The following CDCA5 variants were observed in gnomAD, a reference collection of about 807,000 sequenced individuals.
CDCA5 encodes the protein sororin.
In CDCA5, 14 loss-of-function variants were observed where a neutral mutation model predicts 25.7. The observed-to-expected ratio is 0.54, with a 90% CI of 0.36 to 0.85. The LOEUF is 0.85. Among genes scored for constraint, CDCA5 ranks in the 40% least tolerant of loss-of-function variants. The pLI is 0.01. For missense variants in CDCA5, 307 were observed against 324.5 expected, an observed-to-expected ratio of 0.95 and a Z score of 0.41; for synonymous variants, 127 against 128.7, an observed-to-expected ratio of 0.99 and a Z score of 0.09.
downstream of CDCA5, among the ~76,000 whole-genome samples, chr11:65,075,324 G>C: frequency 6.6e-6 from 1 of 152,180 alleles, no homozygotes; most frequent in Non-Finnish European, 1.5e-5. Context: ...TTGAACCCAG[G>C]AGGTGGAGGT....
intron 5 of CDCA5, 54 bp from the exon 6 acceptor site, chr11:65,079,241 A>T (rs1590797318): frequency 6.3e-7 from 1 of 1,576,128 alleles, no homozygotes; most frequent in Non-Finnish European, 8.6e-7. Flanking sequence ...TGGTGGCTGG[A>T]GCATCTCACC....
chr11:65,077,489 C>G lies in CDCA5; in HGVS notation c.*1618G>C. On this transcript the variant is annotated 3_prime_UTR_variant, in exon 6 of 6. Transcript: ENST00000275517. ...AAACTCTTTAATCAGGCTTTTTTTCCAACTCTAAAACAAAATCCCATTTTT... is the reference window on the plus strand; with the variant it reads ...AAACTCTTTAATCAGGCTTTTTTTCGAACTCTAAAACAAAATCCCATTTTT... The G allele has an allele frequency of 1.0e-6, 1 of 985,312 alleles. No homozygotes were observed. Among genetic ancestry groups the G allele is most frequent in the African/African-American group, 1.7e-5 (1 of 57,304 alleles). The allele number at this position is 985,312 out of a possible 1,614,324, so 61.0% of individuals were successfully genotyped here.
downstream of CDCA5, among the ~76,000 whole-genome samples, chr11:65,063,314 T>C (rs1263212452): frequency 6.6e-6 from 1 of 152,200 alleles, no homozygotes; most frequent in African/African-American, 2.4e-5. Flanking sequence ...GGCCACCCTC[T>C]TGGGCAGGAA....
chr11:65,079,789 T>A lies in CDCA5; in HGVS notation c.244-2A>T. 1 of 1,466,032 alleles carries A rather than the reference T, an allele frequency of 6.8e-7. No homozygotes were observed. The highest frequency in any genetic ancestry group is 9.0e-7 in the Non-Finnish European group (1 of 1,107,036). 90.8% of individuals were successfully genotyped at this position (1,466,032 alleles called of 1,614,324 possible). On this transcript the variant is annotated splice_acceptor_variant, in intron 4 of 5. Coordinates refer to ENST00000275517, the MANE Select transcript of CDCA5 (RefSeq NM_080668.4). LOFTEE classifies it high-confidence loss of function. Reference sequence around the variant, plus strand: ...TTCTTTCTCCAAGAAAAAGGAAATCTGCACCAGGACAGAAGAGGGGATGCC... The same window carrying A: ...TTCTTTCTCCAAGAAAAAGGAAATCAGCACCAGGACAGAAGAGGGGATGCC...
At chr11:65,061,837 T>G (rs948187859), downstream of CDCA5, among the ~76,000 whole-genome samples, 14 of 145,376 alleles carry the variant, frequency 9.6e-5, no homozygotes, top group Non-Finnish European at 2.1e-4. Flanking sequence ...TACAAATGAC[T>G]AAATATAGAC....
intron 5 of CDCA5, chr11:65,066,698 G>A: frequency 7.0e-6 from 9 of 1,288,036 alleles, no homozygotes; most frequent in Non-Finnish European, 9.1e-6. Flanking sequence ...AGGGTTGCAG[G>A]GCTCGAGGTG....
At chr11:65,080,852 A>T (rs1001052675) in intron 4 of CDCA5, among the ~76,000 whole-genome samples, 1 of 152,358 alleles carries the variant, frequency 6.6e-6, no homozygotes, top group South Asian at 2.1e-4. Flanking sequence ...ATTCAGTATT[A>T]TGTTAGCAGT....
At chr11:65,066,958 G>T in intron 4 of CDCA5, 1 of 1,064,458 alleles carries the variant, frequency 9.4e-7, no homozygotes, top group Non-Finnish European at 1.3e-6. Context: ...CCCACCTCCT[G>T]CTTCAGCCAC....
chr11:65,083,683 G>A lies in CDCA5; in HGVS notation c.87C>T (p.Ser29=). The A allele has an allele frequency of 6.2e-7, 1 of 1,614,180 alleles. No homozygotes were observed. Among genetic ancestry groups the A allele is most frequent in the Non-Finnish European group, 8.5e-7 (1 of 1,180,022 alleles). The change falls in exon 2 of 6, where the codon TCC becomes TCT. Residue 29 remains serine, a synonymous_variant. Transcript: ENST00000275517. The part of the protein sequence containing the change: ...APSPTKPLRR[S]QRKSGSELPS... Reference sequence around the variant, plus strand: ...GGAGTTCAGAGCCTGATTTCCGCTGGGACCTCCGCAGAGGCTTAGTAGGAG... The same window carrying A: ...GGAGTTCAGAGCCTGATTTCCGCTGAGACCTCCGCAGAGGCTTAGTAGGAG...
chr11:65,075,062 CAAA>C (rs56076033), downstream of CDCA5, among the ~76,000 whole-genome samples: 12 of 66,160 alleles, frequency 1.8e-4, no homozygotes, highest in Admixed American at 3.6e-4. Flanking sequence ...AACTCCGTCT[CAAA>C]AAAAAAAAAA....
intron 1 of CDCA5, among the ~76,000 whole-genome samples, chr11:65,070,985 A>G (rs1947329331): frequency 7.0e-6 from 1 of 143,626 alleles, no homozygotes; most frequent in South Asian, 2.2e-4. Flanking sequence ...TCTGTTGCCC[A>G]GGCTGGAGTG....
chr11:65,075,027 A>C (rs1947415207), downstream of CDCA5, among the ~76,000 whole-genome samples: 1 of 138,970 alleles, frequency 7.2e-6, no homozygotes, highest in Admixed American at 8.1e-5. Flanking sequence ...GTGCCATTGC[A>C]CTCCAGCCTG....
chr11:65,083,852 CGGGA>C, intron 1 of CDCA5, 77 bp downstream of exon 1: 1 of 1,596,160 alleles, frequency 6.3e-7, no homozygotes, highest in Non-Finnish European at 8.5e-7. Flanking sequence ...GCGGCGGCAG[CGGGA>C]GGGAAGAGGC....
chr11:65,081,794 C>T (rs189148948), intron 4 of CDCA5, among the ~76,000 whole-genome samples: 79 of 152,136 alleles, frequency 5.2e-4, no homozygotes, highest in African/African-American at 1.8e-3. Flanking sequence ...AGTGAACCCT[C>T]ATCTCTATAA....
downstream of CDCA5, chr11:65,077,348 G>A: frequency 6.5e-6 from 3 of 464,122 alleles, no homozygotes; most frequent in Non-Finnish European, 8.5e-6. Context: ...GGGGAAGCGG[G>A]GCTGGGAGCG....
At chr11:65,070,415 A>C (rs1023384519) in intron 1 of CDCA5, among the ~76,000 whole-genome samples, 2 of 152,250 alleles carry the variant, frequency 1.3e-5, no homozygotes, top group Admixed American at 6.5e-5. Flanking sequence ...GTACCCACGT[A>C]GGGTTGCCAA....
At position 65,077,628 on chromosome 11, in the gene CDCA5, C is replaced by T; in HGVS notation, c.*1479G>A. On this transcript the variant is annotated 3_prime_UTR_variant, in exon 6 of 6. Transcript: ENST00000275517. ...AAGACATTTCCCAAGAGTTCTGCTG[C>T]ATCAGCCAGTGAGGACAAGAGTTCT... 1 of 985,474 alleles carries T rather than the reference C, an allele frequency of 1.0e-6. No individual in the cohort carries two copies. Among genetic ancestry groups the T allele is most frequent in the South Asian group, 4.7e-5 (1 of 21,286 alleles). The allele number at this position is 985,474 out of a possible 1,614,324, so 61.0% of individuals were successfully genotyped here.
chr11:65,076,290 C>T (rs961810764), downstream of CDCA5, among the ~76,000 whole-genome samples: 2 of 30,812 alleles, frequency 6.5e-5, no homozygotes, highest in Non-Finnish European at 2.2e-4. Context: ...ATTTTTTTTA[C>T]ATTTTTTGTA....
downstream of CDCA5, among the ~76,000 whole-genome samples, chr11:65,076,587 G>T (rs542318957): frequency 3.9e-5 from 6 of 152,358 alleles, no homozygotes; most frequent in South Asian, 2.1e-4. Flanking sequence ...AGCGGATTAA[G>T]TCTGTGGAGA....
Sources: allele counts gnomAD v4.1 joint callset (sites outside exome capture counted in the v4.1 genomes callset), GRCh38; gene constraint gnomAD v4.1.1; transcripts MANE v1.5; gene names NCBI Gene and HGNC (gene_info 2026-07-23, HGNC 2026-07-21).